Variants in WNT5A observed in about 807,000 individuals in gnomAD.
WNT5A encodes Wnt family member 5A.
WNT5A carries 9 observed loss-of-function variants against 42.1 expected under a neutral mutation model. The observed-to-expected ratio is 0.21, with a 90% confidence interval of 0.13 to 0.37. The LOEUF is 0.37. Ranked by LOEUF, WNT5A falls within the 10% of genes least tolerant of loss-of-function variation. The pLI is 1.00. For synonymous variants in WNT5A, 210 were observed against 210.0 expected (o/e 1.00, Z 0.00); for missense variants, 426 against 534.0 (o/e 0.80, Z 1.99).
chr3:55,485,342 C>T (rs1176219815), intron 1 of WNT5A, among the ~76,000 whole-genome samples: 1 of 152,024 alleles, frequency 6.6e-6, no homozygotes, highest in Non-Finnish European at 1.5e-5. Flanking sequence ...AGTGCTAACC[C>T]CTTGAGCACC....
At chr3:55,473,355 T>C (rs139196042) in intron 4 of WNT5A, among the ~76,000 whole-genome samples, 12 of 152,282 alleles carry the variant, frequency 7.9e-5, no homozygotes, top group African/African-American at 2.9e-4. Context: ...GCACCTACCT[T>C]GGGTTCTGTG....
At position 55,466,234 on chromosome 3, in the gene WNT5A, G is replaced by T. The variant is rs1473504560; in HGVS notation, c.*3858C>A. ...CTTACAGTGACAATGTAGTATTTTA[G>T]ACCTGTGCCTTCGTGCCTATTTGCA... On this transcript the variant is annotated 3_prime_UTR_variant, in exon 5 of 5. Transcript: ENST00000264634. 6.6e-6 allele frequency: 1 copy of T among 151,948 alleles called. No homozygotes were observed. The highest frequency in any genetic ancestry group is 2.4e-5 in the African/African-American group (1 of 41,366). The allele number at this position is 151,948 out of a possible 1,614,324, so 9.4% of individuals were successfully genotyped here.
chr3:55,480,939 C>G (rs373800078), intron 1 of WNT5A, 21 bp from the exon 2 acceptor site: 1 of 1,484,886 alleles, frequency 6.7e-7, no homozygotes, highest in Non-Finnish European at 9.0e-7. Context: ...AAGAAAGGAG[C>G]AGATGTTTAT....
chr3:55,487,167 G>C lies in WNT5A; in HGVS notation c.-182C>G, dbSNP rs1423542065. On this transcript the variant is annotated 5_prime_UTR_variant, in exon 1 of 5. Transcript: ENST00000264634. ...AAGCGGGCACTGGCGCCCGGGCCTGGACTCCCGAGTTGGGGCAGAGCTGGG... is the reference window on the plus strand; with the variant it reads ...AAGCGGGCACTGGCGCCCGGGCCTGCACTCCCGAGTTGGGGCAGAGCTGGG... 2 of 593,782 alleles carry C rather than the reference G, an allele frequency of 3.4e-6. No individual in the cohort carries two copies. The highest frequency in any genetic ancestry group is 6.0e-6 in the Non-Finnish European group (2 of 336,032). 36.8% of individuals were successfully genotyped at this position (593,782 alleles called of 1,614,324 possible).
rs553684157 is a variant in WNT5A, at chr3:55,471,423, T to C, written c.685-873A>G. Among the ~76,000 whole-genome samples the C allele has an allele frequency of 4.6e-5, 7 of 152,310 alleles. No individual in the cohort carries two copies. In the South Asian group the frequency reaches 1.5e-3, roughly 32 times the overall value. On this transcript the variant is annotated intron_variant, in intron 4 of 4. Coordinates refer to ENST00000264634, the MANE Select transcript of WNT5A (RefSeq NM_003392.7). Reference sequence around the variant, plus strand: ...ATAGATTGTGTTCCTGACTCTACCCTTGAATTCAGACAACAGGCTGCACCT... The same window carrying C: ...ATAGATTGTGTTCCTGACTCTACCCCTGAATTCAGACAACAGGCTGCACCT...
At chr3:55,477,730 T>C (rs1009498176) in intron 3 of WNT5A, among the ~76,000 whole-genome samples, 7 of 152,156 alleles carry the variant, frequency 4.6e-5, no homozygotes, top group Non-Finnish European at 1.0e-4. Context: ...ATTCTGAACA[T>C]TTTGGCCCAA....
At chr3:55,478,061 G>A (rs1169497122) in intron 3 of WNT5A, among the ~76,000 whole-genome samples, 1 of 152,166 alleles carries the variant, frequency 6.6e-6, no homozygotes, top group Non-Finnish European at 1.5e-5. Flanking sequence ...CACAGTCAGG[G>A]AAAACTCCTG....
chr3:55,502,827 A>G, the WNT5A span, among the ~76,000 whole-genome samples: 1 of 152,216 alleles, frequency 6.6e-6, no homozygotes, highest in South Asian at 2.1e-4. Context: ...ATTCTTATAG[A>G]TGTGTGAATA....
intron 1 of WNT5A, among the ~76,000 whole-genome samples, chr3:55,482,218 A>C (rs1372293832): frequency 6.6e-6 from 1 of 152,238 alleles, no homozygotes; most frequent in African/African-American, 2.4e-5. Flanking sequence ...CCAGCGGCGA[A>C]GGTTCCCTTC....
At chr3:55,489,218 T>G (rs1228922772), upstream of WNT5A, 1 of 152,248 alleles carries the variant, frequency 6.6e-6, no homozygotes, top group Non-Finnish European at 1.5e-5. Context: ...AAACAGTGCC[T>G]CACACTGGAG....
At chr3:55,505,203 T>G in the WNT5A span, 1 of 152,180 alleles carries the variant, frequency 6.6e-6, no homozygotes, top group African/African-American at 2.4e-5. Context: ...CTTACTATCA[T>G]GGTGGTAGGC....
chr3:55,470,557 G>A lies in WNT5A; in HGVS notation c.685-7C>T. The A allele has an allele frequency of 6.6e-7, 1 of 1,513,548 alleles. No individual in the cohort carries two copies. Among genetic ancestry groups the A allele is most frequent in the African/African-American group, 1.4e-5 (1 of 73,054 alleles). 93.8% of individuals were successfully genotyped at this position (1,513,548 alleles called of 1,614,324 possible). A position where few individuals can be genotyped will look rare whatever the true frequency, so the allele number is the denominator to read the frequency against. On this transcript the variant is annotated splice_region_variant and splice_polypyrimidine_tract_variant and intron_variant, in intron 4 of 4. Coordinates refer to ENST00000264634, the MANE Select transcript of WNT5A (RefSeq NM_003392.7). ...CAGCCAGGTTGTACACCGTCTGCAG[G>A]GAAATGGGGGCAATCAATACACACA... is the stretch of plus-strand genomic sequence containing the variant.
rs2051170504 is a variant in WNT5A, at chr3:55,467,816, A to T, written c.*2276T>A. 3 of 129,288 alleles carry T rather than the reference A, an allele frequency of 2.3e-5. No individual in the cohort carries two copies. Among genetic ancestry groups the T allele is most frequent in the Non-Finnish European group, 4.6e-5 (3 of 64,904 alleles). The allele number at this position is 129,288 out of a possible 1,614,324, so 8.0% of individuals were successfully genotyped here. A position where few individuals can be genotyped will look rare whatever the true frequency, so the allele number is the denominator to read the frequency against. ...GTTAAACTCAACTCTCTTCATAAAC[A>T]TGAGTCACTAAAAAGGAACAATCTG... On this transcript the variant is annotated 3_prime_UTR_variant, in exon 5 of 5. Coordinates refer to ENST00000264634, the MANE Select transcript of WNT5A (RefSeq NM_003392.7).
At chr3:55,498,275 A>G in the WNT5A span, among the ~76,000 whole-genome samples, 1 of 152,058 alleles carries the variant, frequency 6.6e-6, no homozygotes, top group African/African-American at 2.4e-5. Flanking sequence ...TTCCAGGGGG[A>G]TCATCAATTT....
At chr3:55,470,713 T>C (rs913917218) in intron 4 of WNT5A, among the ~76,000 whole-genome samples, 163 bp from the exon 5 acceptor site, 5 of 152,266 alleles carry the variant, frequency 3.3e-5, no homozygotes, top group African/African-American at 9.6e-5. Flanking sequence ...TGTTGCCTTC[T>C]TTAAAAATTC....
intron 1 of WNT5A, chr3:55,481,546 C>A (rs2051465087): frequency 3.6e-6 from 1 of 281,132 alleles, no homozygotes. Flanking sequence ...AATGCAGCTC[C>A]GAATTAACAT....
At chr3:55,479,982 T>C (rs1222568273) in intron 2 of WNT5A, among the ~76,000 whole-genome samples, 2 of 152,100 alleles carry the variant, frequency 1.3e-5, no homozygotes, top group Admixed American at 6.5e-5. Context: ...CACAATTAGA[T>C]ACGGGTAGGA....
At chr3:55,484,352 A>G (rs1345117949) in intron 1 of WNT5A, among the ~76,000 whole-genome samples, 1 of 152,224 alleles carries the variant, frequency 6.6e-6, no homozygotes, top group Non-Finnish European at 1.5e-5. Flanking sequence ...GGGCCGGCCC[A>G]GGCGGGTAGG....
rs1297137443 is a variant in WNT5A at position 55,483,891 on chromosome 3, G to C, written c.7-2973C>G. On this transcript the variant is annotated intron_variant, in intron 1 of 4. Coordinates refer to ENST00000264634, the MANE Select transcript of WNT5A (RefSeq NM_003392.7). The surrounding 1 kb of genome is among the most constrained non-coding windows in gnomAD (Gnocchi z 4.2). ...TAGCAAAATTGTTCAGAGGACGTTC[G>C]GAGGGCGCGGGGAGCAGCCGGATGC... is the stretch of plus-strand genomic sequence containing the variant. Among the ~76,000 whole-genome samples, 1 of 152,158 alleles carries C rather than the reference G, an allele frequency of 6.6e-6. No homozygotes were observed. The highest frequency in any genetic ancestry group is 1.5e-5 in the Non-Finnish European group (1 of 68,022).
Sources: gnomAD v4.1 joint callset for allele counts (sites outside exome capture counted in the v4.1 genomes callset) on GRCh38, gnomAD v4.1.1 for gene constraint, Gnocchi (gnomAD v3.1) non-coding constraint, MANE v1.5 for transcripts, NCBI Gene and HGNC (gene_info 2026-07-23, HGNC 2026-07-21) for gene names.